Variants in CCSER2 observed in about 807,000 individuals in gnomAD.
CCSER2 encodes the protein coiled-coil serine rich protein 2.
CCSER2 carries 46 observed loss-of-function variants against 92.3 expected under a neutral mutation model. The ratio of observed to expected loss-of-function variants is 0.50; its 90% confidence interval spans 0.39 to 0.64. The LOEUF is 0.64. Among genes scored for constraint, CCSER2 ranks in the 30% least tolerant of loss-of-function variants. The pLI is 0.00. For missense variants in CCSER2, 1,244 were observed against 1,238.9 expected, an observed-to-expected ratio of 1.00 and a Z score of -0.06; for synonymous variants, 433 against 431.4, an observed-to-expected ratio of 1.00 and a Z score of -0.04.
intron 3 of CCSER2, among the ~76,000 whole-genome samples, chr10:84,394,513 A>G (rs1320713784): frequency 2.0e-5 from 3 of 151,736 alleles, no homozygotes; most frequent in Admixed American, 6.6e-5. Flanking sequence ...GGCCAAGGAA[A>G]TTAGATGGTG....
chr10:84,358,852 A>G lies in CCSER2; in HGVS notation c.-39-12162A>G, dbSNP rs77193232. On this transcript the variant is annotated intron_variant, in intron 1 of 9. Transcript: ENST00000372088. ...AGGCTGTTCATAAATTCTTTTTGTA[A>G]ATAATCGCTAACATTTTCCTTTGGT... Among the ~76,000 whole-genome samples, 1,337 of 152,218 alleles carry G rather than the reference A, an allele frequency of 8.8e-3. 16 individuals are homozygous for G. Among genetic ancestry groups the G allele is most frequent in the African/African-American group, 0.031 (1,267 of 41,516 alleles).
intron 3 of CCSER2, among the ~76,000 whole-genome samples, chr10:84,415,302 A>C (rs1421382164): frequency 6.6e-6 from 1 of 152,074 alleles, no homozygotes; most frequent in Non-Finnish European, 1.5e-5. Context: ...TCAATCTTTG[A>C]GGTTGCTGAC....
intron 3 of CCSER2, among the ~76,000 whole-genome samples, chr10:84,385,002 T>TG (rs1355029654): frequency 4.4e-5 from 5 of 114,700 alleles, no homozygotes; most frequent in Admixed American, 2.1e-4. Flanking sequence ...CAATTTACAA[T>TG]AAACACACAC....
At chr10:84,488,539 T>C (rs528529586) in intron 9 of CCSER2, among the ~76,000 whole-genome samples, 54 of 152,350 alleles carry the variant, frequency 3.5e-4, no homozygotes, top group African/African-American at 1.3e-3. Context: ...GAGGTGTTTA[T>C]GGTATTCTCT....
In CCSER2 at chr10:84,515,686, C is replaced by T. The variant is rs1236705343; in HGVS notation, c.*1419C>T. 1 of 152,108 alleles carries T rather than the reference C, an allele frequency of 6.6e-6. No individual in the cohort carries two copies. Among genetic ancestry groups the T allele is most frequent in the East Asian group, 1.9e-4 (1 of 5,184 alleles). 9.4% of individuals were successfully genotyped at this position (152,108 alleles called of 1,614,324 possible). On this transcript the variant is annotated 3_prime_UTR_variant, in exon 10 of 10. Transcript: ENST00000372088. Reference sequence around the variant, plus strand: ...CTCGAACTCCTGACCTCAAGTGATCCACCCACCTCGTCTATGGTGTATTTT... The same window carrying T: ...CTCGAACTCCTGACCTCAAGTGATCTACCCACCTCGTCTATGGTGTATTTT...
intron 3 of CCSER2, among the ~76,000 whole-genome samples, chr10:84,416,999 T>A (rs1364516564): frequency 6.6e-6 from 1 of 152,254 alleles, no homozygotes; most frequent in Admixed American, 6.5e-5. Flanking sequence ...TTGATCTTTT[T>A]ACTTGTATAT....
Position 84,396,824 on chromosome 10 carries a change from A to G in CCSER2, c.1615-20947A>G, listed in dbSNP as rs1164193107. On this transcript the variant is annotated intron_variant, in intron 3 of 9. Coordinates refer to ENST00000372088, the MANE Select transcript of CCSER2 (RefSeq NM_001284240.2). Reference sequence around the variant, plus strand: ...AGTGTCGGGATTACAGGCGTGAGCCACCACACCTGGCCGAGATCATCCTTA... The same window carrying G: ...AGTGTCGGGATTACAGGCGTGAGCCGCCACACCTGGCCGAGATCATCCTTA... Among the ~76,000 whole-genome samples the G allele has an allele frequency of 4.6e-5, 7 of 152,228 alleles. No homozygotes were observed. The East Asian group carries it at 1.4e-3, about 29-fold the overall frequency.
intron 6 of CCSER2, among the ~76,000 whole-genome samples, chr10:84,453,318 A>C (rs1410708483): frequency 6.6e-6 from 1 of 152,246 alleles, no homozygotes; most frequent in Non-Finnish European, 1.5e-5. Context: ...AGAGTTTGGA[A>C]AACTTTTCTT....
intron 1 of CCSER2, among the ~76,000 whole-genome samples, chr10:84,361,821 G>A (rs1472551100): frequency 1.3e-5 from 2 of 151,856 alleles, no homozygotes; most frequent in African/African-American, 4.8e-5. Context: ...TGTATTTTGA[G>A]TAGAGACAGG....
chr10:84,355,593 T>C (rs995033452), intron 1 of CCSER2, among the ~76,000 whole-genome samples: 74 of 152,224 alleles, frequency 4.9e-4, no homozygotes, highest in African/African-American at 1.8e-3. Flanking sequence ...ACATGTCTTT[T>C]CCCTTATATT....
chr10:84,446,672 G>T (rs1363576539), intron 6 of CCSER2, among the ~76,000 whole-genome samples: 1 of 152,154 alleles, frequency 6.6e-6, no homozygotes, highest in African/African-American at 2.4e-5. Flanking sequence ...GAAGGAGCTT[G>T]TACTCTTACC....
chr10:84,495,987 G>T (rs1848428220), intron 9 of CCSER2, among the ~76,000 whole-genome samples: 2 of 138,892 alleles, frequency 1.4e-5, no homozygotes, highest in African/African-American at 5.1e-5. Context: ...CTTTATTTCT[G>T]TTTTTTCTTT....
At chr10:84,468,734 TTTCAGATA>T (rs1846603609) in intron 7 of CCSER2, among the ~76,000 whole-genome samples, 1 of 151,116 alleles carries the variant, frequency 6.6e-6, no homozygotes, top group South Asian at 2.1e-4. Flanking sequence ...ACTTGTTAAC[TTTCAGATA>T]ACACCTTGTT....
chr10:84,448,814 A>G (rs1845086776), intron 6 of CCSER2, among the ~76,000 whole-genome samples: 1 of 152,182 alleles, frequency 6.6e-6, no homozygotes, highest in Non-Finnish European at 1.5e-5. Flanking sequence ...AATTTCATCA[A>G]AATGGAACCA....
At position 84,371,590 on chromosome 10, in the gene CCSER2, C is replaced by T. The variant is rs1846064143; in HGVS notation, c.538C>T (p.Arg180Ter). ...KSQLNGFYGN[R>*]SAGSMQRPRA... ...ACAGTTGAATGGATTTTATGGAAAC[C>T]GATCAGCTGGTAGCATGCAAAGGCC... Residue 180 changes from arginine (R) to a stop codon, truncating the protein, a stop_gained, in exon 2 of 10, where the codon CGA (arginine) becomes TGA (stop). Transcript: ENST00000372088. LOFTEE classifies it high-confidence loss of function. 3.1e-6 allele frequency: 5 copies of T among 1,613,540 alleles called. No homozygotes were observed. Among genetic ancestry groups the T allele is most frequent in the Non-Finnish European group, 4.2e-6 (5 of 1,179,758 alleles).
At chr10:84,487,648 G>A (rs143755706) in intron 9 of CCSER2, among the ~76,000 whole-genome samples, 79 of 152,278 alleles carry the variant, frequency 5.2e-4, no homozygotes, top group African/African-American at 1.8e-3. Context: ...GGGCTGAGAC[G>A]ATGGCGTTTT....
intron 6 of CCSER2, among the ~76,000 whole-genome samples, chr10:84,445,456 A>G (rs1174088074): frequency 6.6e-6 from 1 of 152,212 alleles, no homozygotes; most frequent in Non-Finnish European, 1.5e-5. Flanking sequence ...CCTGGCCGGT[A>G]TCTCTTTAAG....
intron 3 of CCSER2, among the ~76,000 whole-genome samples, chr10:84,399,943 G>GGC (rs1456740998): frequency 6.6e-6 from 1 of 151,476 alleles, no homozygotes; most frequent in Non-Finnish European, 1.5e-5. Context: ...CCATCTTACT[G>GGC]GGCGTTAAGT....
Position 84,464,332 on chromosome 10 carries a change from C to T in CCSER2, c.2148+316C>T, listed in dbSNP as rs542399907. On this transcript the variant is annotated intron_variant, in intron 7 of 9. Coordinates refer to ENST00000372088, the MANE Select transcript of CCSER2 (RefSeq NM_001284240.2). ...AGTTAAAATGGTTATAGGTGCTTCT[C>T]ATATATAAATCCCAAAATTGAAGAA... 5.9e-5 allele frequency among the ~76,000 whole-genome samples: 9 copies of T among 152,114 alleles called. No individual in the cohort carries two copies. The East Asian group carries it at 1.7e-3, about 29-fold the overall frequency.
Sources: gnomAD v4.1 joint callset for allele counts (sites outside exome capture counted in the v4.1 genomes callset) on GRCh38, gnomAD v4.1.1 for gene constraint, MANE v1.5 for transcripts, NCBI Gene and HGNC (gene_info 2026-07-23, HGNC 2026-07-21) for gene names.